The following ADGRL3 variants were observed in gnomAD, a reference collection of about 807,000 sequenced individuals.
The protein encoded by ADGRL3 is adhesion G protein-coupled receptor L3.
In ADGRL3, 62 loss-of-function variants were observed where a neutral mutation model predicts 153.5. That is an observed-to-expected ratio of 0.40 (90% confidence interval 0.33 to 0.50). The LOEUF (loss-of-function observed/expected upper bound fraction) is 0.50. ADGRL3 is among the 20% of genes least tolerant of loss of function. The pLI is 0.47. For missense variants in ADGRL3, 1,641 were observed against 1,859.4 expected (o/e 0.88, Z 2.16); for synonymous variants, 710 against 672.5 (o/e 1.06, Z -0.86).
chr4:61,320,045 G>A (rs1473533799), intron 1 of ADGRL3, among the ~76,000 whole-genome samples: 2 of 152,098 alleles, frequency 1.3e-5, no homozygotes, highest in African/African-American at 2.4e-5. Flanking sequence ...TATAAGAAGA[G>A]GAGGAGACAC....
At chr4:61,992,734 T>C (rs1006102802) in intron 19 of ADGRL3, among the ~76,000 whole-genome samples, 3 of 152,176 alleles carry the variant, frequency 2.0e-5, no homozygotes, top group Non-Finnish European at 2.9e-5. Flanking sequence ...TCTCAAAGAA[T>C]AAAAATAATC....
At chr4:61,617,581 A>T (rs2092140873) in intron 5 of ADGRL3, among the ~76,000 whole-genome samples, 1 of 152,136 alleles carries the variant, frequency 6.6e-6, no homozygotes. Context: ...CACCTCTGCA[A>T]CTCAATTAGA....
In ADGRL3 at chr4:61,577,653, TA is replaced by T. The variant is rs796403461; in HGVS notation, c.260-9564del. Among the ~76,000 whole-genome samples the T allele has an allele frequency of 5.3e-3, 777 of 147,426 alleles. 10 individuals are homozygous for T. The highest frequency in any genetic ancestry group is 0.017 in the African/African-American group (679 of 40,232). On this transcript the variant is annotated intron_variant, in intron 4 of 26. Transcript: ENST00000683033. Reference sequence around the variant, plus strand: ...AGTGAGATACTGTCTCTACAAAAAATAAAAAAAAAATTAGCCAGGCATGGTG... The same window carrying T: ...AGTGAGATACTGTCTCTACAAAAAATAAAAAAAAATTAGCCAGGCATGGTG...
chr4:61,798,602 A>G (rs563734981), intron 8 of ADGRL3, among the ~76,000 whole-genome samples: 538 of 126,644 alleles, frequency 4.2e-3, no homozygotes, highest in African/African-American at 0.01. Context: ...TTGTTTGTTT[A>G]TTTATTTATT....
At chr4:61,726,132 C>A (rs1350792438) in intron 6 of ADGRL3, among the ~76,000 whole-genome samples, 1 of 149,636 alleles carries the variant, frequency 6.7e-6, no homozygotes, top group African/African-American at 2.5e-5. Flanking sequence ...TCTGGAGAAC[C>A]TAAATGCTCC....
chr4:61,237,951 C>T (rs1753454780), intron 1 of ADGRL3, among the ~76,000 whole-genome samples: 1 of 152,150 alleles, frequency 6.6e-6, no homozygotes, highest in African/African-American at 2.4e-5. Context: ...CATAAATTGA[C>T]ACTTGCTCTC....
At chr4:61,397,399 T>C (rs2096880948) in intron 2 of ADGRL3, among the ~76,000 whole-genome samples, 1 of 151,862 alleles carries the variant, frequency 6.6e-6, no homozygotes. Context: ...ACACAAATAG[T>C]CAAAAAGAAA....
chr4:61,366,148 G>T (rs1395408958), intron 1 of ADGRL3, among the ~76,000 whole-genome samples: 2 of 149,778 alleles, frequency 1.3e-5, no homozygotes, highest in African/African-American at 4.9e-5. Context: ...TTAAAAAAAA[G>T]AAATAATGGT....
intron 9 of ADGRL3, among the ~76,000 whole-genome samples, chr4:61,880,744 C>T (rs1228181952): frequency 6.6e-6 from 1 of 152,164 alleles, no homozygotes; most frequent in East Asian, 1.9e-4. Flanking sequence ...GAAGGATTTA[C>T]AATTTTTTTG....
chr4:61,996,254 T>G, intron 19 of ADGRL3, 37 bp from the exon 20 acceptor site: 1 of 1,435,248 alleles, frequency 7.0e-7, no homozygotes, highest in South Asian at 1.1e-5. Flanking sequence ...CCATACCCAG[T>G]CCTTGAATAC....
intron 26 of ADGRL3, 39 bp downstream of exon 26, chr4:62,068,222 T>A: frequency 1.3e-6 from 2 of 1,536,946 alleles, no homozygotes; most frequent in African/African-American, 1.4e-5. Flanking sequence ...TCAAATGTAA[T>A]TTTTTTTAGT....
Position 61,676,922 on chromosome 4 carries a change from A to T in ADGRL3, c.570A>T (p.Glu190Asp). 6.2e-7 allele frequency: 1 copy of T among 1,606,700 alleles called. No individual in the cohort carries two copies. Among genetic ancestry groups the T allele is most frequent in the Non-Finnish European group, 8.5e-7 (1 of 1,173,706 alleles). Residue 190 changes from glutamate (E) to aspartate (D), a missense_variant, in exon 6 of 27, where the codon GAA (glutamate) becomes GAT (aspartate). Physicochemically the swap from Glu to Asp is conservative, Grantham distance 45. Around this residue, in one of 5 missense-constraint regions of ADGRL3, gnomAD observed 213 missense variants for 362.1 expected, o/e 0.59. Coordinates refer to ENST00000683033, the MANE Select transcript of ADGRL3 (RefSeq NM_001387552.1). ...ATAAATACCTTGAAGTGCAGTATGAATGTGTCCCTTACAGTATGTATATTC... is the reference window on the plus strand; with the variant it reads ...ATAAATACCTTGAAGTGCAGTATGATTGTGTCCCTTACAGTATGTATATTC... ...GTYKYLEVQY[E>D]CVPYKVEQKV... is the part of the protein sequence containing the mutation.
intron 2 of ADGRL3, among the ~76,000 whole-genome samples, chr4:61,455,216 T>C (rs1392464016): frequency 1.3e-5 from 2 of 152,130 alleles, no homozygotes; most frequent in Admixed American, 6.6e-5. Flanking sequence ...CTCTTGAAGC[T>C]GAGAGAAGAT....
At chr4:61,350,973 T>G (rs1332434939) in intron 1 of ADGRL3, among the ~76,000 whole-genome samples, 2 of 152,162 alleles carry the variant, frequency 1.3e-5, no homozygotes, top group African/African-American at 4.8e-5. Flanking sequence ...ATGATTAAGC[T>G]TAGTGAGGAA....
rs546352269 is a variant in ADGRL3 at position 61,934,735 on chromosome 4, GCA to G, written c.2113-99_2113-98del. 5.4e-4 allele frequency: 420 copies of G among 781,236 alleles called. 2 individuals carry two copies. In the East Asian group the frequency reaches 7.3e-3, roughly 14 times the overall value. The allele number at this position is 781,236 out of a possible 1,614,324, so 48.4% of individuals were successfully genotyped here. ...GAGGCTGGGACAATACTGAACTCATGCACACACTGCTGATCCTTGCTTGCTGG... is the reference window on the plus strand; with the variant it reads ...GAGGCTGGGACAATACTGAACTCATGCACACTGCTGATCCTTGCTTGCTGG... On this transcript the variant is annotated intron_variant, in intron 13 of 26. Coordinates refer to ENST00000683033, the MANE Select transcript of ADGRL3 (RefSeq NM_001387552.1).
intron 4 of ADGRL3, among the ~76,000 whole-genome samples, chr4:61,571,773 TGATTTAATTCCAA>T (rs2098840217): frequency 6.6e-6 from 1 of 152,224 alleles, no homozygotes. Flanking sequence ...GCTTGATAAT[TGATTTAATTCCAA>T]TGAGAGAAAT....
chr4:61,964,782 A>G (rs2099000053), intron 17 of ADGRL3, among the ~76,000 whole-genome samples: 1 of 151,970 alleles, frequency 6.6e-6, no homozygotes, highest in Admixed American at 6.6e-5. Flanking sequence ...TAATGGTTCT[A>G]ATCATCCAAT....
intron 2 of ADGRL3, among the ~76,000 whole-genome samples, chr4:61,496,212 G>A (rs1219587012): frequency 6.7e-5 from 1 of 14,854 alleles, no homozygotes; most frequent in Non-Finnish European, 4.3e-3. Context: ...ATGAAAGTAA[G>A]ACATATATTT....
chr4:61,801,923 C>T (rs2097502497), intron 8 of ADGRL3, among the ~76,000 whole-genome samples: 1 of 152,092 alleles, frequency 6.6e-6, no homozygotes, highest in African/African-American at 2.4e-5. Flanking sequence ...GTTTCTCTCT[C>T]ACTAGCATGT....
Sources: allele counts gnomAD v4.1 joint callset (sites outside exome capture counted in the v4.1 genomes callset), GRCh38; gene constraint gnomAD v4.1.1; regional missense constraint gnomAD v4.1.1; transcripts MANE v1.5; gene names NCBI Gene and HGNC (gene_info 2026-07-23, HGNC 2026-07-21).